The following CRIM1 variants were observed in gnomAD, a reference collection of about 807,000 sequenced individuals.
The protein encoded by CRIM1 is cysteine rich transmembrane BMP regulator 1.
Under a neutral mutation model 116.4 loss-of-function variants are expected in CRIM1, and 32 were observed. The observed-to-expected ratio is 0.27, with a 90% CI of 0.21 to 0.37. The LOEUF (loss-of-function observed/expected upper bound fraction) is 0.37, where lower values mean the gene tolerates loss of function less well. CRIM1 is among the 10% of genes least tolerant of loss of function. CRIM1 has a pLI of 1.00. For synonymous variants in CRIM1, 590 were observed against 509.2 expected, an observed-to-expected ratio of 1.16 and a Z score of -2.13; for missense variants, 1,331 against 1,354.8, an observed-to-expected ratio of 0.98 and a Z score of 0.28.
intron 2 of CRIM1, among the ~76,000 whole-genome samples, chr2:36,404,531 CATTT>C (rs996528565): frequency 6.6e-6 from 1 of 152,208 alleles, no homozygotes; most frequent in Non-Finnish European, 1.5e-5. Flanking sequence ...TTCATTCATG[CATTT>C]ATTCATGTAT....
At chr2:36,446,296 G>A (rs769959751) in intron 4 of CRIM1, among the ~76,000 whole-genome samples, 8 of 152,096 alleles carry the variant, frequency 5.3e-5, no homozygotes, top group Non-Finnish European at 8.8e-5. Flanking sequence ...TTCTGTGTGA[G>A]CTTGATTTGT....
At chr2:36,548,423 GA>G in intron 16 of CRIM1, 101 bp from the exon 17 acceptor site, 1 of 798,984 alleles carries the variant, frequency 1.3e-6, no homozygotes. Flanking sequence ...AATGAATTGT[GA>G]AACTGTTATC....
chr2:36,414,959 G>A (rs1162124442), intron 2 of CRIM1, among the ~76,000 whole-genome samples: 1 of 152,194 alleles, frequency 6.6e-6, no homozygotes, highest in East Asian at 1.9e-4. Context: ...AACTGTGGCT[G>A]CCATGTGGAA....
intron 2 of CRIM1, among the ~76,000 whole-genome samples, chr2:36,408,985 G>GT (rs1315923241): frequency 6.7e-6 from 1 of 149,770 alleles, no homozygotes; most frequent in African/African-American, 2.5e-5. Context: ...ATATTTACTA[G>GT]TATCTTGATT....
intron 11 of CRIM1, among the ~76,000 whole-genome samples, chr2:36,515,187 T>C (rs1379639568): frequency 6.6e-6 from 1 of 152,232 alleles, no homozygotes; most frequent in Non-Finnish European, 1.5e-5. Context: ...CCTGGGTCTT[T>C]GCTAAACATG....
intron 5 of CRIM1, among the ~76,000 whole-genome samples, chr2:36,473,197 G>A (rs1189043394): frequency 6.6e-6 from 1 of 152,136 alleles, no homozygotes; most frequent in Non-Finnish European, 1.5e-5. Context: ...TCCAAATGCG[G>A]TGAAAGTATT....
intron 1 of CRIM1, among the ~76,000 whole-genome samples, chr2:36,388,424 A>G (rs1671332537): frequency 6.6e-6 from 1 of 152,206 alleles, no homozygotes; most frequent in African/African-American, 2.4e-5. Context: ...ATTCTCTGGC[A>G]CTGTCCCCAA....
At chr2:36,496,798 A>G (rs2125080196) in intron 7 of CRIM1, among the ~76,000 whole-genome samples, 1 of 152,346 alleles carries the variant, frequency 6.6e-6, no homozygotes, top group African/African-American at 2.4e-5. Context: ...GGGCTGCCCA[A>G]GTCAGCATTG....
chr2:36,525,831 T>G (rs1179194630), intron 13 of CRIM1, among the ~76,000 whole-genome samples: 1 of 152,154 alleles, frequency 6.6e-6, no homozygotes, highest in Non-Finnish European at 1.5e-5. Context: ...AAAAAAAGTA[T>G]GCATGTGAAG....
chr2:36,479,585 CA>C lies in CRIM1; in HGVS notation c.1264del (p.Thr422HisfsTer25). 6.2e-7 allele frequency: 1 copy of C among 1,614,236 alleles called. No individual in the cohort carries two copies. Among genetic ancestry groups the C allele is most frequent in the Non-Finnish European group, 8.5e-7 (1 of 1,180,034 alleles). ...GAGACCGGTGGCGGGAAGACGACTGCACATTCTGCCAGTGCGTCAACGGTGA... is the reference window on the plus strand; with the variant it reads ...GAGACCGGTGGCGGGAAGACGACTGCCATTCTGCCAGTGCGTCAACGGTGA... ...HGDRWREDDC[T>X]FCQCVNGERH... On this transcript the variant is annotated frameshift_variant, in exon 7 of 17. Coordinates refer to ENST00000280527, the MANE Select transcript of CRIM1 (RefSeq NM_016441.3). LOFTEE classifies it high-confidence loss of function.
intron 2 of CRIM1, among the ~76,000 whole-genome samples, chr2:36,412,420 C>T (rs1673284646): frequency 6.6e-6 from 1 of 152,160 alleles, no homozygotes; most frequent in African/African-American, 2.4e-5. Context: ...CCATATTTGG[C>T]CATCGAGAGA....
rs143799818 is a variant in CRIM1, at chr2:36,534,749, GA to G, written c.2429-2593del. Among the ~76,000 whole-genome samples, 161 of 144,808 alleles carry G rather than the reference GA, an allele frequency of 1.1e-3. 3 individuals carry two copies. Among genetic ancestry groups the G allele is most frequent in the East Asian group, 7.5e-3 (37 of 4,966 alleles). The allele number at this position is 144,808 out of a possible 152,430, so 95.0% of individuals were successfully genotyped here. ...AGGAAGATGGAAGGAAGGAAGGAAA[GA>G]AAAAAAAAAGAATATAGACAGTATA... On this transcript the variant is annotated intron_variant, in intron 13 of 16. Coordinates refer to ENST00000280527, the MANE Select transcript of CRIM1 (RefSeq NM_016441.3).
chr2:36,385,594 G>C (rs1240870191), intron 1 of CRIM1, among the ~76,000 whole-genome samples: 1 of 152,088 alleles, frequency 6.6e-6, no homozygotes, highest in Non-Finnish European at 1.5e-5. Context: ...AGGACCATCA[G>C]CAGGAGTCTC....
intron 8 of CRIM1, among the ~76,000 whole-genome samples, chr2:36,502,497 A>T (rs1472484513): frequency 6.6e-6 from 1 of 152,154 alleles, no homozygotes; most frequent in African/African-American, 2.4e-5. Flanking sequence ...AATTGTACCC[A>T]TTTATACAGA....
chr2:36,412,518 G>T (rs1673292710), intron 2 of CRIM1, among the ~76,000 whole-genome samples: 2 of 152,134 alleles, frequency 1.3e-5, no homozygotes, highest in African/African-American at 4.8e-5. Flanking sequence ...GTTCAGTTCA[G>T]AGGGATTTTT....
chr2:36,541,498 T>TGA (rs1221182146), intron 14 of CRIM1, among the ~76,000 whole-genome samples: 1 of 152,102 alleles, frequency 6.6e-6, no homozygotes, highest in East Asian at 1.9e-4. Context: ...TAGCAGAGGA[T>TGA]GAGACCCCTG....
intron 7 of CRIM1, among the ~76,000 whole-genome samples, chr2:36,484,222 T>G (rs1679641784): frequency 6.6e-6 from 1 of 152,244 alleles, no homozygotes; most frequent in Admixed American, 6.5e-5. Context: ...GCCACGTTAA[T>G]GTACTGTTTT....
chr2:36,437,310 G>C (rs1310282460), intron 2 of CRIM1, among the ~76,000 whole-genome samples: 1 of 152,074 alleles, frequency 6.6e-6, no homozygotes, highest in African/African-American at 2.4e-5. Flanking sequence ...GGGAGGCAGA[G>C]CTTGCAGTGA....
intron 1 of CRIM1, among the ~76,000 whole-genome samples, chr2:36,366,922 G>A (rs1669643196): frequency 6.6e-6 from 1 of 152,248 alleles, no homozygotes; most frequent in Non-Finnish European, 1.5e-5. Context: ...ATGGTGTGAG[G>A]AGTGTGGGAT....
Sources: allele counts gnomAD v4.1 joint callset (sites outside exome capture counted in the v4.1 genomes callset), GRCh38; gene constraint gnomAD v4.1.1; transcripts MANE v1.5; gene names NCBI Gene and HGNC (gene_info 2026-07-23, HGNC 2026-07-21).